LYRM4: variants seen among roughly 807,000 people sequenced by gnomAD.
The protein encoded by LYRM4 is LYR motif containing 4.
LYRM4 carries 9 observed loss-of-function variants against 11.7 expected under a neutral mutation model. The ratio of observed to expected loss-of-function variants is 0.77; its 90% confidence interval spans 0.46 to 1.34. The LOEUF (loss-of-function observed/expected upper bound fraction) is 1.34. Among genes scored for constraint, LYRM4 ranks in the 40% most tolerant of loss-of-function variants. The pLI, the probability that LYRM4 is intolerant of heterozygous loss-of-function variation, is 0.00. For synonymous variants in LYRM4, 42 were observed against 40.4 expected (o/e 1.04, Z -0.15); for missense variants, 133 against 112.5 (o/e 1.18, Z -0.82).
chr6:5,195,446 CA>C (rs1246140639), intron 2 of LYRM4, among the ~76,000 whole-genome samples: 8 of 143,678 alleles, frequency 5.6e-5, no homozygotes, highest in Admixed American at 1.4e-4. Flanking sequence ...CCCATCTCTA[CA>C]AAAAAAAAAG....
At chr6:5,235,078 T>C (rs1763460633) in intron 1 of LYRM4, among the ~76,000 whole-genome samples, 2 of 152,172 alleles carry the variant, frequency 1.3e-5, no homozygotes, top group South Asian at 4.1e-4. Flanking sequence ...GCTTGGCCCC[T>C]TTCCATCATT....
chr6:5,210,600 T>C (rs1028401959), intron 2 of LYRM4, among the ~76,000 whole-genome samples: 2 of 152,240 alleles, frequency 1.3e-5, no homozygotes, highest in African/African-American at 4.8e-5. Context: ...TATATTCATA[T>C]TGTTGTGAAA....
chr6:5,256,282 G>C (rs1764661799), intron 1 of LYRM4, among the ~76,000 whole-genome samples: 1 of 151,742 alleles, frequency 6.6e-6, no homozygotes, highest in African/African-American at 2.4e-5. Flanking sequence ...CTTAGGTCAG[G>C]AGTTCAAGAT....
chr6:5,052,742 A>T, the LYRM4 span, among the ~76,000 whole-genome samples: 1 of 152,248 alleles, frequency 6.6e-6, no homozygotes, highest in Non-Finnish European at 1.5e-5. Context: ...ATTTTATGTT[A>T]TGCATATTTA....
intron 2 of LYRM4, among the ~76,000 whole-genome samples, chr6:5,164,320 C>G (rs563914745): frequency 6.6e-6 from 1 of 152,086 alleles, no homozygotes; most frequent in Admixed American, 6.5e-5. Context: ...CCCCCAAATG[C>G]CCAGCAATAG....
chr6:5,096,403 T>C, the LYRM4 span, among the ~76,000 whole-genome samples: 1 of 152,098 alleles, frequency 6.6e-6, no homozygotes, highest in Non-Finnish European at 1.5e-5. Flanking sequence ...GGTAGGAGGA[T>C]TGCTTGAGCC....
intron 2 of LYRM4, among the ~76,000 whole-genome samples, chr6:5,194,139 C>A (rs1258229497): frequency 1.3e-5 from 2 of 151,818 alleles, no homozygotes; most frequent in African/African-American, 4.8e-5. Context: ...AGACTACCCT[C>A]CAAATTAAAG....
At chr6:5,174,785 T>C (rs1018217102) in intron 2 of LYRM4, among the ~76,000 whole-genome samples, 6 of 152,198 alleles carry the variant, frequency 3.9e-5, no homozygotes, top group Non-Finnish European at 8.8e-5. Flanking sequence ...TTTGAACAGA[T>C]GTTGTCATGC....
intron 2 of LYRM4, among the ~76,000 whole-genome samples, chr6:5,117,773 TG>T (rs2127598359): frequency 6.6e-6 from 1 of 152,090 alleles, no homozygotes. Context: ...GAATCTAAGG[TG>T]GGAAGGTTGC....
At chr6:5,043,759 C>A in the LYRM4 span, among the ~76,000 whole-genome samples, 1 of 152,164 alleles carries the variant, frequency 6.6e-6, no homozygotes, top group Non-Finnish European at 1.5e-5. Context: ...AGAGCCCACA[C>A]CCCAACCACC....
At chr6:5,116,050 T>G (rs1182735987) in intron 2 of LYRM4, among the ~76,000 whole-genome samples, 1 of 152,136 alleles carries the variant, frequency 6.6e-6, no homozygotes, top group Non-Finnish European at 1.5e-5. Flanking sequence ...ACATAGGAAG[T>G]GCTCAGAAAG....
the LYRM4 span, chr6:5,085,436 C>A: frequency 1.4e-6 from 2 of 1,391,760 alleles, no homozygotes; most frequent in South Asian, 1.3e-5. Flanking sequence ...TTAGTTAAGT[C>A]TCCAGAGGGG....
rs1036124035 is a variant in LYRM4, at chr6:5,227,219, T to C, written c.87-10481A>G. Among the ~76,000 whole-genome samples the C allele has an allele frequency of 2.6e-5, 4 of 152,160 alleles. No homozygotes were observed. The East Asian group carries it at 7.7e-4, about 29-fold the overall frequency. On this transcript the variant is annotated intron_variant, in intron 1 of 2. Coordinates refer to ENST00000330636, the MANE Select transcript of LYRM4 (RefSeq NM_020408.6). ...AACCTGAAAATAAGGGACAAGGAAG[T>C]GTGAGGCAACACCATGGGGTAAGAA...
chr6:5,093,231 G>A, the LYRM4 span, among the ~76,000 whole-genome samples: 2 of 152,240 alleles, frequency 1.3e-5, no homozygotes, highest in Admixed American at 6.5e-5. Context: ...GGTGCAATGA[G>A]CCCTGGAAGA....
chr6:5,129,608 C>T (rs2127611313), intron 2 of LYRM4, among the ~76,000 whole-genome samples: 1 of 152,264 alleles, frequency 6.6e-6, no homozygotes. Flanking sequence ...CAAGGCTGAT[C>T]TCCATCTTAA....
the LYRM4 span, among the ~76,000 whole-genome samples, chr6:5,080,552 T>C: frequency 6.6e-6 from 1 of 152,304 alleles, no homozygotes; most frequent in Non-Finnish European, 1.5e-5. Context: ...TTCATAATTT[T>C]TGGTGTCGAG....
intron 2 of LYRM4, among the ~76,000 whole-genome samples, chr6:5,175,233 T>A (rs1189387812): frequency 1.3e-5 from 2 of 152,244 alleles, no homozygotes; most frequent in South Asian, 4.1e-4. Context: ...GATCTCATGG[T>A]ATGCTTTTAA....
chr6:5,161,124 T>C (rs1432729625), intron 2 of LYRM4, among the ~76,000 whole-genome samples: 1 of 152,184 alleles, frequency 6.6e-6, no homozygotes, highest in African/African-American at 2.4e-5. Flanking sequence ...GTTACAGAAT[T>C]ATGAAAATAT....
chr6:5,114,772 AT>A (rs759583972), intron 2 of LYRM4, among the ~76,000 whole-genome samples: 1 of 152,106 alleles, frequency 6.6e-6, no homozygotes, highest in Non-Finnish European at 1.5e-5. Flanking sequence ...AAAAAAAAAA[AT>A]CTCATGTTTT....
Sources: gnomAD v4.1 joint callset for allele counts (sites outside exome capture counted in the v4.1 genomes callset) on GRCh38, gnomAD v4.1.1 for gene constraint, MANE v1.5 for transcripts, NCBI Gene and HGNC (gene_info 2026-07-23, HGNC 2026-07-21) for gene names.